FBXO11: variants seen among roughly 807,000 people sequenced by gnomAD.
FBXO11 encodes the protein F-box only protein 11.
Under a neutral mutation model 117.0 loss-of-function variants are expected in FBXO11, and 13 were observed. The observed-to-expected ratio is 0.11, with a 90% confidence interval of 0.07 to 0.18. FBXO11 has a LOEUF of 0.18. Ranked by LOEUF, FBXO11 falls within the 10% of genes least tolerant of loss-of-function variation. The probability of loss-of-function intolerance (pLI) is 1.00; values close to 1 mark genes in which losing one functional copy is unlikely to be tolerated. For missense variants in FBXO11, 767 were observed against 1,164.4 expected, an observed-to-expected ratio of 0.66 and a Z score of 4.97; for synonymous variants, 490 against 380.5, an observed-to-expected ratio of 1.29 and a Z score of -3.35.
chr2:47,888,444 A>G (rs1006899829), intron 1 of FBXO11, among the ~76,000 whole-genome samples: 2 of 152,162 alleles, frequency 1.3e-5, no homozygotes, highest in African/African-American at 4.8e-5. Context: ...TGACACCAAA[A>G]AAGAAAGGAT....
At chr2:47,838,619 T>C (rs975296534) in intron 4 of FBXO11, among the ~76,000 whole-genome samples, 2 of 152,172 alleles carry the variant, frequency 1.3e-5, no homozygotes, top group Admixed American at 6.6e-5. Flanking sequence ...AAGAAAAACA[T>C]TTCCCATAAT....
chr2:47,847,351 T>C (rs879466186), intron 1 of FBXO11, among the ~76,000 whole-genome samples: 4 of 152,242 alleles, frequency 2.6e-5, no homozygotes, highest in Admixed American at 2.0e-4. Flanking sequence ...CTGAACACTG[T>C]AGACAATTGT....
chr2:47,832,306 T>G (rs775376571), intron 11 of FBXO11, 43 bp downstream of exon 11: 2 of 1,512,170 alleles, frequency 1.3e-6, no homozygotes, highest in Non-Finnish European at 1.8e-6. Flanking sequence ...GGAATTTAAC[T>G]GATACAGAAG....
At chr2:47,901,667 CTCAGT>C (rs140109098) in intron 1 of FBXO11, among the ~76,000 whole-genome samples, 10,824 of 152,070 alleles carry the variant, frequency 0.071, 543 homozygotes, top group Non-Finnish European at 0.11. Context: ...GTGGTGCAAT[CTCAGT>C]TCAAAGTAAT....
At chr2:47,872,414 T>C (rs1316453012) in intron 1 of FBXO11, among the ~76,000 whole-genome samples, 1 of 152,016 alleles carries the variant, frequency 6.6e-6, no homozygotes, top group East Asian at 1.9e-4. Context: ...AACCTCTGCC[T>C]CCCAGGTTCA....
At chr2:47,901,104 T>C (rs1440021679) in intron 1 of FBXO11, among the ~76,000 whole-genome samples, 2 of 84,722 alleles carry the variant, frequency 2.4e-5, no homozygotes, top group African/African-American at 4.0e-5. Context: ...TACATATATA[T>C]GTATATATGT....
chr2:47,904,892 A>C (rs952426329), intron 1 of FBXO11, among the ~76,000 whole-genome samples: 2 of 151,612 alleles, frequency 1.3e-5, no homozygotes, highest in African/African-American at 2.4e-5. Flanking sequence ...GGGTTGGGAG[A>C]GGAGTCGCTG....
chr2:47,890,689 C>A (rs1370143540), intron 1 of FBXO11, among the ~76,000 whole-genome samples: 1 of 151,962 alleles, frequency 6.6e-6, no homozygotes, highest in Non-Finnish European at 1.5e-5. Flanking sequence ...CCTATAACCC[C>A]AACTACTTGG....
chr2:47,808,057 C>G lies in FBXO11; in HGVS notation c.*61G>C. The G allele has an allele frequency of 7.0e-7, 1 of 1,433,030 alleles. No individual in the cohort carries two copies. Among genetic ancestry groups the G allele is most frequent in the Non-Finnish European group, 9.6e-7 (1 of 1,044,936 alleles). 88.8% of individuals were successfully genotyped at this position (1,433,030 alleles called of 1,614,324 possible). ...ATGGGCAAATATTTTAAATCTTCTT[C>G]CAAAAAAGTGTTTTAAGTTATGATG... On this transcript the variant is annotated 3_prime_UTR_variant, in exon 23 of 23. Transcript: ENST00000403359.
chr2:47,898,515 T>C lies in FBXO11; in HGVS notation c.232+6974A>G, dbSNP rs141111441. On this transcript the variant is annotated intron_variant, in intron 1 of 22. Transcript: ENST00000403359. ...AGCTAAAATCAGTTAATACCCTTTA[T>C]TCATAACTTATGAGTAATTCAGGGG... 8.9e-4 allele frequency among the ~76,000 whole-genome samples: 136 copies of C among 152,362 alleles called. 1 individual carries two copies. Among genetic ancestry groups the C allele is most frequent in the Non-Finnish European group, 7.8e-4 (53 of 68,026 alleles).
intron 1 of FBXO11, among the ~76,000 whole-genome samples, chr2:47,873,345 T>C (rs541858574): frequency 2.0e-5 from 3 of 152,362 alleles, no homozygotes; most frequent in South Asian, 4.1e-4. Flanking sequence ...AATACCTGGT[T>C]GCACAGGACA....
chr2:47,891,826 A>G (rs1214135316), intron 1 of FBXO11, among the ~76,000 whole-genome samples: 1 of 152,116 alleles, frequency 6.6e-6, no homozygotes, highest in Non-Finnish European at 1.5e-5. Context: ...AGGGATGAAA[A>G]GATATCTCAT....
chr2:47,881,707 T>C (rs2103907360), intron 1 of FBXO11, among the ~76,000 whole-genome samples: 1 of 152,300 alleles, frequency 6.6e-6, no homozygotes, highest in East Asian at 1.9e-4. Context: ...CATCAGGGTA[T>C]ACAATATTAA....
At chr2:47,901,678 G>A (rs1040124170) in intron 1 of FBXO11, among the ~76,000 whole-genome samples, 1 of 151,778 alleles carries the variant, frequency 6.6e-6, no homozygotes, top group East Asian at 1.9e-4. Context: ...TCAGTTCAAA[G>A]TAATTAATTT....
chr2:47,875,212 A>C (rs1675911623), intron 1 of FBXO11, among the ~76,000 whole-genome samples: 1 of 152,154 alleles, frequency 6.6e-6, no homozygotes, highest in African/African-American at 2.4e-5. Flanking sequence ...CTTCTCCTAC[A>C]TAACCCCTTA....
chr2:47,895,265 T>C (rs1677569272), intron 1 of FBXO11, among the ~76,000 whole-genome samples: 1 of 152,148 alleles, frequency 6.6e-6, no homozygotes, highest in African/African-American at 2.4e-5. Context: ...CCATCAACTG[T>C]AGAATGGATA....
chr2:47,828,015 G>C (rs1671892140), intron 11 of FBXO11, among the ~76,000 whole-genome samples: 1 of 151,764 alleles, frequency 6.6e-6, no homozygotes, highest in Non-Finnish European at 1.5e-5. Context: ...TAAGAAGACG[G>C]GAATCTCCCT....
At chr2:47,812,422 G>A (rs1046540174) in intron 18 of FBXO11, among the ~76,000 whole-genome samples, 3 of 152,136 alleles carry the variant, frequency 2.0e-5, no homozygotes, top group Non-Finnish European at 4.4e-5. Context: ...TTTGACTTGC[G>A]TGAACCATTT....
At position 47,905,572 on chromosome 2, in the gene FBXO11, T is replaced by TGCTGCTGCTGCG; in HGVS notation, c.148_149insCGCAGCAGCAGC (p.Pro49_Gln50insProGlnGlnGln). ...CGGAGGCTGCTGCTGCTGCTGCTGCTGCGGCGGCGGCGGAGGCTGCTGCTG... is the reference window on the plus strand; with the variant it reads ...CGGAGGCTGCTGCTGCTGCTGCTGCTGCTGCTGCTGCGGCGGCGGCGGCGGAGGCTGCTGCTG... On this transcript the variant is annotated inframe_insertion, in exon 1 of 23. Coordinates refer to ENST00000403359, the MANE Select transcript of FBXO11 (RefSeq NM_001190274.2). 8.4e-7 allele frequency: 1 copy of TGCTGCTGCTGCG among 1,193,046 alleles called. No homozygotes were observed. The highest frequency in any genetic ancestry group is 1.1e-6 in the Non-Finnish European group (1 of 949,692). 73.9% of individuals were successfully genotyped at this position (1,193,046 alleles called of 1,614,324 possible).
Sources: gnomAD v4.1 joint callset for allele counts (sites outside exome capture counted in the v4.1 genomes callset) on GRCh38, gnomAD v4.1.1 for gene constraint, MANE v1.5 for transcripts, NCBI Gene and HGNC (gene_info 2026-07-23, HGNC 2026-07-21) for gene names.